SP100: variants seen among roughly 807,000 people sequenced by gnomAD.
SP100 encodes SP100 nuclear body protein.
In SP100, 84 loss-of-function variants were observed where a neutral mutation model predicts 130.0. The ratio of observed to expected loss-of-function variants is 0.65; its 90% CI spans 0.54 to 0.77. The LOEUF (loss-of-function observed/expected upper bound fraction) is 0.77. SP100 is among the 30% of genes least tolerant of loss of function. The pLI is 0.00. For missense variants in SP100, 978 were observed against 1,052.2 expected (o/e 0.93, Z 0.97); for synonymous variants, 331 against 351.7 (o/e 0.94, Z 0.66).
At chr2:230,429,206 C>A (rs2063028814) in intron 2 of SP100, among the ~76,000 whole-genome samples, 1 of 152,182 alleles carries the variant, frequency 6.6e-6, no homozygotes. Flanking sequence ...TTCTGAAGGA[C>A]AGCTTTACCA....
At chr2:230,516,804 C>T (rs1297256740) in intron 24 of SP100, among the ~76,000 whole-genome samples, 2 of 152,072 alleles carry the variant, frequency 1.3e-5, no homozygotes, top group Admixed American at 6.6e-5. Flanking sequence ...AATAGAAGTA[C>T]CCAATTGACA....
At chr2:230,517,436 T>G (rs1690974163) in intron 24 of SP100, among the ~76,000 whole-genome samples, 1 of 152,138 alleles carries the variant, frequency 6.6e-6, no homozygotes, top group Non-Finnish European at 1.5e-5. Context: ...ATCAAAAACT[T>G]AATAAAGACA....
chr2:230,425,870 T>C (rs1300132615), intron 2 of SP100, among the ~76,000 whole-genome samples: 3 of 152,114 alleles, frequency 2.0e-5, no homozygotes, highest in Non-Finnish European at 4.4e-5. Flanking sequence ...TAGAATTCAC[T>C]AGCATAGCCA....
chr2:230,506,638 A>G (rs958135265), intron 22 of SP100, 193 bp downstream of exon 22: 1 of 527,844 alleles, frequency 1.9e-6, no homozygotes. Context: ...TAATCCTCTA[A>G]GTACTTTATT....
At position 230,449,570 on chromosome 2, in the gene SP100, C is replaced by T. The variant is rs1398927919; in HGVS notation, c.596C>T (p.Pro199Leu). The T allele has an allele frequency of 6.2e-7, 1 of 1,613,890 alleles. No individual in the cohort carries two copies. The highest frequency in any genetic ancestry group is 8.5e-7 in the Non-Finnish European group (1 of 1,179,994). Residue 199 changes from proline to leucine, a missense_variant, in exon 7 of 29, where the codon CCA becomes CTA. Transcript: ENST00000340126. ...TCAAACCATGGTTTAGGTACAACCC[C>T]ACCTGAAAATGGACTCTCAGAGCAC... ...SGSPSHAGTT[P>L]PENGLSEHPC...
chr2:230,468,888 C>T (rs2065117008), intron 13 of SP100, 155 bp from the exon 14 acceptor site: 1 of 470,478 alleles, frequency 2.1e-6, no homozygotes, highest in Non-Finnish European at 3.8e-6. Flanking sequence ...GTCTGTGCTC[C>T]ATTTGATAGT....
chr2:230,519,616 A>G (rs1229056233), intron 24 of SP100, among the ~76,000 whole-genome samples: 1 of 152,198 alleles, frequency 6.6e-6, no homozygotes, highest in Non-Finnish European at 1.5e-5. Flanking sequence ...AGGAGAAGAA[A>G]TTGGAATGAA....
intron 27 of SP100, among the ~76,000 whole-genome samples, 187 bp downstream of exon 27, chr2:230,541,559 A>G (rs1002136953): frequency 6.6e-6 from 1 of 152,198 alleles, no homozygotes; most frequent in African/African-American, 2.4e-5. Context: ...CGGAGGCTGC[A>G]TGTCCAAGAT....
At chr2:230,524,362 AAAAAAAAAAG>A (rs1184987648) in intron 24 of SP100, among the ~76,000 whole-genome samples, 2 of 149,738 alleles carry the variant, frequency 1.3e-5, no homozygotes, top group African/African-American at 4.9e-5. Flanking sequence ...ATCTCAAAAA[AAAAAAAAAAG>A]AAAAAGAAAA....
intron 2 of SP100, among the ~76,000 whole-genome samples, chr2:230,419,596 G>C (rs1187178172): frequency 6.6e-6 from 1 of 152,142 alleles, no homozygotes; most frequent in Non-Finnish European, 1.5e-5. Flanking sequence ...AATATGCTGA[G>C]GTTGTTAATA....
intron 8 of SP100, among the ~76,000 whole-genome samples, chr2:230,454,766 G>A (rs1270623828): frequency 1.3e-5 from 2 of 152,142 alleles, no homozygotes; most frequent in Non-Finnish European, 2.9e-5. Context: ...TCTGCTTGTA[G>A]ATAAAATATT....
chr2:230,438,686 C>T (rs951047057), intron 2 of SP100, among the ~76,000 whole-genome samples: 3 of 148,254 alleles, frequency 2.0e-5, no homozygotes, highest in African/African-American at 7.6e-5. Context: ...CACACACACA[C>T]ATATGGTATA....
intron 17 of SP100, among the ~76,000 whole-genome samples, chr2:230,476,866 TTG>T (rs1046750663): frequency 9.2e-5 from 14 of 152,274 alleles, no homozygotes; most frequent in East Asian, 1.9e-4. Flanking sequence ...TTTTGTTTTG[TTG>T]TGTTTTTGTT....
chr2:230,475,295 G>A (rs2065484582), intron 17 of SP100, among the ~76,000 whole-genome samples: 1 of 152,148 alleles, frequency 6.6e-6, no homozygotes, highest in Non-Finnish European at 1.5e-5. Context: ...GATTAGTAAT[G>A]TTGGGCATTT....
chr2:230,454,491 T>C (rs546366644), intron 8 of SP100, among the ~76,000 whole-genome samples: 23 of 152,308 alleles, frequency 1.5e-4, no homozygotes, highest in African/African-American at 5.3e-4. Context: ...TACATTTCTA[T>C]CTTCATTTGT....
At chr2:230,497,087 C>T (rs1270959348) in intron 18 of SP100, among the ~76,000 whole-genome samples, 4 of 152,150 alleles carry the variant, frequency 2.6e-5, no homozygotes, top group Non-Finnish European at 4.4e-5. Flanking sequence ...AATAGCCACA[C>T]TACTTCCTGT....
chr2:230,420,939 A>C (rs570417041), intron 2 of SP100, among the ~76,000 whole-genome samples: 1 of 152,294 alleles, frequency 6.6e-6, no homozygotes, highest in South Asian at 2.1e-4. Context: ...TAATCTGTTC[A>C]CATAATAGGA....
chr2:230,484,923 ATTGGT>A (rs1165583185), intron 17 of SP100, among the ~76,000 whole-genome samples: 1 of 151,144 alleles, frequency 6.6e-6, no homozygotes, highest in African/African-American at 2.4e-5. Context: ...AAGGCTATTT[ATTGGT>A]TTGGTTTGGT....
intron 17 of SP100, among the ~76,000 whole-genome samples, chr2:230,485,325 A>AAATATCCTGCAAT (rs2066024075): frequency 2.6e-5 from 4 of 151,832 alleles, no homozygotes; most frequent in African/African-American, 9.7e-5. Context: ...GTTTTTTATT[A>AAATATCCTGCAAT]TTGTCATTTG....
Sources: gnomAD v4.1 joint callset for allele counts (sites outside exome capture counted in the v4.1 genomes callset) on GRCh38, gnomAD v4.1.1 for gene constraint, MANE v1.5 for transcripts, NCBI Gene and HGNC (gene_info 2026-07-23, HGNC 2026-07-21) for gene names.